Variants in PLA2G5 observed in about 807,000 individuals in gnomAD.
PLA2G5 encodes the protein phospholipase A2 group V.
Under a neutral mutation model 15.9 loss-of-function variants are expected in PLA2G5, and 12 were observed. The ratio of observed to expected loss-of-function variants is 0.76; its 90% CI spans 0.48 to 1.23. The LOEUF is 1.23. PLA2G5 is among the 50% of genes most tolerant of loss of function. The pLI is 0.00. For missense variants in PLA2G5, 169 were observed against 177.1 expected, an observed-to-expected ratio of 0.95 and a Z score of 0.26; for synonymous variants, 71 against 71.4, an observed-to-expected ratio of 0.99 and a Z score of 0.03.
chr1:20,069,027 C>A, upstream of PLA2G5: 1 of 936,716 alleles, frequency 1.1e-6, no homozygotes, highest in Non-Finnish European at 1.5e-6. Context: ...TCCAAATGGC[C>A]ATAAGGTGTG....
At chr1:20,080,052 C>G (rs576634) in intron 1 of PLA2G5, among the ~76,000 whole-genome samples, 13 of 152,096 alleles carry the variant, frequency 8.5e-5, no homozygotes, top group Non-Finnish European at 1.6e-4. Flanking sequence ...AGTCCGGGAG[C>G]GGGGCTGCCT....
At chr1:20,033,033 T>G (rs2013049861) in intron 1 of PLA2G5, among the ~76,000 whole-genome samples, 1 of 152,216 alleles carries the variant, frequency 6.6e-6, no homozygotes. Flanking sequence ...GATTAAGACC[T>G]GAGAATGTAG....
intron 1 of PLA2G5, among the ~76,000 whole-genome samples, chr1:20,084,323 T>C (rs1462940315): frequency 6.6e-6 from 1 of 152,204 alleles, no homozygotes; most frequent in Non-Finnish European, 1.5e-5. Context: ...ACTACAGCAC[T>C]GTGAGCTAAA....
chr1:20,074,404 G>A (rs1442998956), intron 1 of PLA2G5, among the ~76,000 whole-genome samples: 2 of 152,152 alleles, frequency 1.3e-5, no homozygotes, highest in Admixed American at 6.6e-5. Flanking sequence ...AGCAACTGAA[G>A]GGCTTATGAG....
At chr1:20,086,500 GT>G (rs1269250049) in intron 3 of PLA2G5, among the ~76,000 whole-genome samples, 9 of 152,208 alleles carry the variant, frequency 5.9e-5, no homozygotes, top group Admixed American at 5.9e-4. Context: ...GGTAGGGCTT[GT>G]GGGGATGGCT....
At chr1:20,089,648 A>T (rs1429229603) in intron 3 of PLA2G5, 141 bp from the exon 4 acceptor site, 1 of 643,132 alleles carries the variant, frequency 1.6e-6, no homozygotes, top group Non-Finnish European at 2.8e-6. Flanking sequence ...TTACTCAGTC[A>T]CACTACCAGA....
chr1:20,034,987 G>T (rs1475280738), intron 1 of PLA2G5, among the ~76,000 whole-genome samples: 3 of 152,136 alleles, frequency 2.0e-5, no homozygotes, highest in Non-Finnish European at 4.4e-5. Context: ...GGAACAGGGA[G>T]TCCACTCAGG....
intron 1 of PLA2G5, among the ~76,000 whole-genome samples, chr1:20,047,596 C>T (rs550848007): frequency 2.6e-5 from 4 of 152,004 alleles, no homozygotes; most frequent in Admixed American, 6.6e-5. Flanking sequence ...TGCTTTAAAT[C>T]TGCTGTTATT....
intron 1 of PLA2G5, among the ~76,000 whole-genome samples, chr1:20,030,797 C>CA (rs1160073350): frequency 1.5e-4 from 23 of 152,330 alleles, no homozygotes; most frequent in African/African-American, 5.5e-4. Context: ...TGCCTGCAAA[C>CA]ACATTTTTAA....
At chr1:20,043,467 G>C (rs2100353190) in intron 1 of PLA2G5, among the ~76,000 whole-genome samples, 1 of 152,202 alleles carries the variant, frequency 6.6e-6, no homozygotes, top group Admixed American at 6.5e-5. Context: ...GGTTTTAATG[G>C]GTTAGTAATG....
At chr1:20,071,682 C>A (rs531498118) in intron 1 of PLA2G5, among the ~76,000 whole-genome samples, 33 of 152,264 alleles carry the variant, frequency 2.2e-4, no homozygotes, top group African/African-American at 7.5e-4. Flanking sequence ...CACTCCTACC[C>A]TGGGGCCTTT....
chr1:20,054,035 GT>G (rs2014312849), intron 1 of PLA2G5, among the ~76,000 whole-genome samples: 1 of 152,190 alleles, frequency 6.6e-6, no homozygotes, highest in Non-Finnish European at 1.5e-5. Flanking sequence ...ACAAGATGCT[GT>G]TTGGACCATG....
At chr1:20,041,102 A>G (rs1046552697) in intron 1 of PLA2G5, among the ~76,000 whole-genome samples, 1 of 152,230 alleles carries the variant, frequency 6.6e-6, no homozygotes, top group Non-Finnish European at 1.5e-5. Flanking sequence ...TTTCTAAATT[A>G]ACTGAAACCT....
intron 2 of PLA2G5, among the ~76,000 whole-genome samples, chr1:20,060,234 TTTCTTTTTTC>T (rs2014640385): frequency 6.8e-6 from 1 of 146,928 alleles, no homozygotes; most frequent in Admixed American, 7.0e-5. Context: ...ATTTACTGAC[TTTCTTTTTTC>T]TTCTTTTTTT....
chr1:20,042,685 T>A (rs2013674765), intron 1 of PLA2G5, among the ~76,000 whole-genome samples: 1 of 152,166 alleles, frequency 6.6e-6, no homozygotes, highest in South Asian at 2.1e-4. Context: ...CAAAACCAGG[T>A]ATCCAAAGGT....
chr1:20,085,087 G>A (rs915883934), intron 2 of PLA2G5, among the ~76,000 whole-genome samples: 6 of 152,182 alleles, frequency 3.9e-5, no homozygotes, highest in Non-Finnish European at 7.3e-5. Context: ...CTGTGGCAGG[G>A]TCCTAGGAGA....
chr1:20,084,243 A>G (rs1397519410), intron 1 of PLA2G5, among the ~76,000 whole-genome samples: 4 of 152,176 alleles, frequency 2.6e-5, no homozygotes, highest in Admixed American at 2.6e-4. Context: ...CAGTGGTAGA[A>G]TAGAGGTGTG....
Position 20,090,967 on chromosome 1 carries a change from G to C in PLA2G5, c.*275G>C, listed in dbSNP as rs2016539983. The C allele has an allele frequency of 5.7e-6, 2 of 350,056 alleles. No homozygotes were observed. Among genetic ancestry groups the C allele is most frequent in the Admixed American group, 8.6e-5 (2 of 23,254 alleles). 21.7% of individuals were successfully genotyped at this position (350,056 alleles called of 1,614,324 possible). ...AGAGCTCTCCTCCAACTCAGGGTTG[G>C]CTGTGTCTCTTTTCTTCTCTGAAGA... On this transcript the variant is annotated 3_prime_UTR_variant, in exon 5 of 5. Coordinates refer to ENST00000375108, the MANE Select transcript of PLA2G5 (RefSeq NM_000929.3).
intron 1 of PLA2G5, among the ~76,000 whole-genome samples, chr1:20,082,199 G>A (rs760827244): frequency 3.3e-5 from 5 of 151,898 alleles, no homozygotes; most frequent in Non-Finnish European, 7.3e-5. Context: ...GAGAGATTCA[G>A]GGGTTCTGTT....
Sources: allele counts gnomAD v4.1 joint callset (sites outside exome capture counted in the v4.1 genomes callset), GRCh38; gene constraint gnomAD v4.1.1; transcripts MANE v1.5; gene names NCBI Gene and HGNC (gene_info 2026-07-23, HGNC 2026-07-21).